Variants in GRM5 observed in about 807,000 individuals in gnomAD.
GRM5 encodes metabotropic glutamate receptor 5.
Under a neutral mutation model 83.1 loss-of-function variants are expected in GRM5, and 19 were observed. The observed-to-expected ratio is 0.23, with a 90% CI of 0.16 to 0.34. GRM5 has a LOEUF of 0.34. Among genes scored for constraint, GRM5 ranks in the 10% least tolerant of loss-of-function variants. The pLI is 1.00. For missense variants in GRM5, 1,160 were observed against 1,588.3 expected, an observed-to-expected ratio of 0.73 and a Z score of 4.58; for synonymous variants, 675 against 633.6, an observed-to-expected ratio of 1.07 and a Z score of -0.98.
chr11:88,910,633 G>A (rs1300591993), intron 2 of GRM5, among the ~76,000 whole-genome samples: 1 of 152,046 alleles, frequency 6.6e-6, no homozygotes, highest in African/African-American at 2.4e-5. Flanking sequence ...AAACATATAT[G>A]TTTAGACTAT....
chr11:88,697,982 C>T (rs531822048), intron 3 of GRM5, among the ~76,000 whole-genome samples: 1 of 152,282 alleles, frequency 6.6e-6, no homozygotes, highest in African/African-American at 2.4e-5. Context: ...TGTTCAAATC[C>T]ATCTGCTTTT....
rs200343438 is a variant in GRM5 at position 88,978,474 on chromosome 11, T to TAAAAAAAAAAAAAAAAAAAAAAAAAAA, written c.661+68711_661+68737dup. Among the ~76,000 whole-genome samples the TAAAAAAAAAAAAAAAAAAAAAAAAAAA allele has an allele frequency of 5.1e-5, 5 of 97,988 alleles. 1 individual carries two copies. Among genetic ancestry groups the TAAAAAAAAAAAAAAAAAAAAAAAAAAA allele is most frequent in the Non-Finnish European group, 8.4e-5 (4 of 47,582 alleles). 64.3% of individuals were successfully genotyped at this position (97,988 alleles called of 152,430 possible). A position where few individuals can be genotyped will look rare whatever the true frequency, so the allele number is the denominator to read the frequency against. ...TAACATTAACAACAGCAGATGAGCTTAAAAAAAAAAAAAAAAAAAAAAAAA... is the reference window on the plus strand; with the variant it reads ...TAACATTAACAACAGCAGATGAGCTTAAAAAAAAAAAAAAAAAAAAAAAAAAAAAAAAAAAAAAAAAAAAAAAAAAAA... On this transcript the variant is annotated intron_variant, in intron 2 of 9. Coordinates refer to ENST00000305447, the MANE Select transcript of GRM5 (RefSeq NM_001143831.3).
intron 2 of GRM5, among the ~76,000 whole-genome samples, chr11:88,863,718 ATT>A (rs34741020): frequency 1.3e-5 from 2 of 151,724 alleles, no homozygotes; most frequent in African/African-American, 2.4e-5. Flanking sequence ...TTTAACTTTT[ATT>A]TTTTTATAGC....
At chr11:88,601,074 GA>G (rs1325672411) in intron 5 of GRM5, among the ~76,000 whole-genome samples, 15 of 150,856 alleles carry the variant, frequency 9.9e-5, no homozygotes, top group African/African-American at 2.9e-4. Context: ...TGTAATATAA[GA>G]AAAAAAAAGA....
chr11:88,549,282 T>C (rs1156862900), intron 8 of GRM5, among the ~76,000 whole-genome samples: 1 of 151,784 alleles, frequency 6.6e-6, no homozygotes, highest in African/African-American at 2.4e-5. Flanking sequence ...GGGGGCAACA[T>C]GGTAATACCT....
chr11:88,524,566 T>C (rs1941816061), intron 9 of GRM5, among the ~76,000 whole-genome samples: 1 of 152,248 alleles, frequency 6.6e-6, no homozygotes, highest in South Asian at 2.1e-4. Flanking sequence ...AGCACGTTTA[T>C]TTCATGCAAC....
intron 9 of GRM5, chr11:88,524,195 T>C (rs1325657496): frequency 2.1e-5 from 2 of 96,570 alleles, no homozygotes; most frequent in Non-Finnish European, 3.9e-5. Flanking sequence ...TTTCTTTTTC[T>C]TTCTTTCTTT....
chr11:88,785,937 T>G (rs968517516), intron 3 of GRM5, among the ~76,000 whole-genome samples: 1 of 152,126 alleles, frequency 6.6e-6, no homozygotes, highest in African/African-American at 2.4e-5. Context: ...CAATAAATGT[T>G]ACCTATTCAT....
chr11:88,721,032 C>A (rs7480217), intron 3 of GRM5, among the ~76,000 whole-genome samples: 108,274 of 151,876 alleles, frequency 0.71, 39,535 homozygotes, highest in South Asian at 0.89. Context: ...ACCACTTTAC[C>A]ACTTGTGTGA....
intron 6 of GRM5, among the ~76,000 whole-genome samples, chr11:88,594,165 C>T (rs2135214112): frequency 6.6e-6 from 1 of 152,192 alleles, no homozygotes; most frequent in East Asian, 1.9e-4. Flanking sequence ...GTAATTTACA[C>T]TGTGTAATCT....
chr11:88,994,444 A>ATTTT (rs1189579621), intron 2 of GRM5, among the ~76,000 whole-genome samples: 1 of 99,616 alleles, frequency 1.0e-5, no homozygotes, highest in Admixed American at 1.5e-4. Flanking sequence ...ACTTTAACTG[A>ATTTT]TTATATATAT....
At chr11:89,032,112 ATAAAT>A (rs1355301146) in intron 2 of GRM5, among the ~76,000 whole-genome samples, 1 of 152,070 alleles carries the variant, frequency 6.6e-6, no homozygotes, top group Non-Finnish European at 1.5e-5. Context: ...CTTGGTTTAA[ATAAAT>A]TAATGAATGC....
intron 3 of GRM5, among the ~76,000 whole-genome samples, chr11:88,771,553 C>T (rs1369159028): frequency 6.6e-6 from 1 of 152,036 alleles, no homozygotes; most frequent in Non-Finnish European, 1.5e-5. Flanking sequence ...CAAGCTTCTC[C>T]CACCTTCTTC....
Position 88,930,250 on chromosome 11 carries a change from AT to A in GRM5, c.662-80096del, listed in dbSNP as rs1248349226. Among the ~76,000 whole-genome samples, 68 of 136,316 alleles carry A rather than the reference AT, an allele frequency of 5.0e-4. 3 individuals carry two copies. The East Asian group carries it at 0.015, about 29-fold the overall frequency. 89.4% of individuals were successfully genotyped at this position (136,316 alleles called of 152,430 possible). A position where few individuals can be genotyped will look rare whatever the true frequency, so the allele number is the denominator to read the frequency against. ...ATAGTGAGACCCAGTGTTCACCAAA[AT>A]TAAAAAAAAAAAATTAGTTTGGCAT... is the stretch of plus-strand genomic sequence containing the variant. On this transcript the variant is annotated intron_variant, in intron 2 of 9. Transcript: ENST00000305447.
intron 2 of GRM5, among the ~76,000 whole-genome samples, chr11:88,897,588 T>A (rs147571221): frequency 1.3e-5 from 2 of 151,814 alleles, no homozygotes; most frequent in Non-Finnish European, 2.9e-5. Flanking sequence ...CATTTGGTAA[T>A]TGGGGACATT....
intron 2 of GRM5, among the ~76,000 whole-genome samples, chr11:88,970,370 C>T (rs1430538745): frequency 6.6e-6 from 1 of 152,112 alleles, no homozygotes; most frequent in Non-Finnish European, 1.5e-5. Context: ...ATCCATCAGG[C>T]AAGAGTGAAG....
intron 2 of GRM5, among the ~76,000 whole-genome samples, chr11:88,927,210 C>G (rs1945804733): frequency 6.6e-6 from 1 of 151,300 alleles, no homozygotes. Flanking sequence ...GAAGCTCCCT[C>G]CTCCTGTTGG....
intron 2 of GRM5, among the ~76,000 whole-genome samples, chr11:88,875,300 G>C (rs1015492623): frequency 6.6e-6 from 1 of 151,908 alleles, no homozygotes; most frequent in Non-Finnish European, 1.5e-5. Context: ...CACATTCTTT[G>C]CTTATCTATT....
intron 3 of GRM5, among the ~76,000 whole-genome samples, chr11:88,687,396 G>A (rs1257524554): frequency 2.1e-5 from 3 of 145,502 alleles, no homozygotes; most frequent in African/African-American, 7.8e-5. Context: ...AGAATGGCAT[G>A]AACCCGGGAG....
Sources: allele counts gnomAD v4.1 joint callset (sites outside exome capture counted in the v4.1 genomes callset), GRCh38; gene constraint gnomAD v4.1.1; transcripts MANE v1.5; gene names NCBI Gene and HGNC (gene_info 2026-07-23, HGNC 2026-07-21).